The following VWF variants were observed in gnomAD, a reference collection of about 807,000 sequenced individuals.
The protein encoded by VWF is Factor VIII related antigen.
Under a neutral mutation model 308.6 loss-of-function variants are expected in VWF, and 176 were observed. The ratio of observed to expected loss-of-function variants is 0.57; its 90% CI spans 0.50 to 0.65. The LOEUF is 0.65. Ranked by LOEUF, VWF falls within the 30% of genes least tolerant of loss-of-function variation. The probability of loss-of-function intolerance (pLI) is 0.00; values close to 1 mark genes in which losing one functional copy is unlikely to be tolerated. For missense variants in VWF, 3,146 were observed against 3,648.2 expected (o/e 0.86, Z 3.55); for synonymous variants, 1,385 against 1,443.4 (o/e 0.96, Z 0.92).
chr12:5,957,327 A>G (rs1451147073), intron 47 of VWF, among the ~76,000 whole-genome samples: 2 of 151,802 alleles, frequency 1.3e-5, no homozygotes, highest in Non-Finnish European at 1.5e-5. Flanking sequence ...TTAGAGTTTC[A>G]GAAAGACAGT....
In VWF at chr12:6,056,058, G is replaced by A. The variant is rs146560685; in HGVS notation, c.1945+799C>T. ...GAAACAAGTCTTCTCTGCCAAGAAA[G>A]CAGCTTTTTAAAACCCTAGCCAAGT... On this transcript the variant is annotated intron_variant, in intron 15 of 51. Coordinates refer to ENST00000261405, the MANE Select transcript of VWF (RefSeq NM_000552.5). 2.6e-5 allele frequency among the ~76,000 whole-genome samples: 4 copies of A among 151,174 alleles called. No individual in the cohort carries two copies. The East Asian group carries it at 7.8e-4, about 29-fold the overall frequency.
intron 22 of VWF, among the ~76,000 whole-genome samples, chr12:6,027,087 A>C (rs1449907374): frequency 6.6e-6 from 1 of 152,202 alleles, no homozygotes; most frequent in Non-Finnish European, 1.5e-5. Context: ...AGTCACCAGG[A>C]AACATAGAGG....
rs112692054 is a variant in VWF at position 6,034,340 on chromosome 12, C to T, written c.2685+348G>A. Reference sequence around the variant, plus strand: ...CCAACCCACTCCCTAAGCTATGCACCCTGACTGAGGCTGTGTCTACCAGAA... The same window carrying T: ...CCAACCCACTCCCTAAGCTATGCACTCTGACTGAGGCTGTGTCTACCAGAA... On this transcript the variant is annotated intron_variant, in intron 20 of 51. Coordinates refer to ENST00000261405, the MANE Select transcript of VWF (RefSeq NM_000552.5). Among the ~76,000 whole-genome samples the T allele has an allele frequency of 2.9e-3, 444 of 152,278 alleles. 1 individual carries two copies. Among genetic ancestry groups the T allele is most frequent in the African/African-American group, 8.9e-3 (368 of 41,544 alleles).
chr12:6,055,461 ACCCAGTTGTCCCAGC>A (rs1944566154), intron 15 of VWF, among the ~76,000 whole-genome samples: 1 of 152,102 alleles, frequency 6.6e-6, no homozygotes, highest in African/African-American at 2.4e-5. Context: ...AAGGACCCAG[ACCCAGTTGTCCCAGC>A]CCCTAGCCTG....
chr12:6,101,788 T>A lies in VWF; in HGVS notation c.533-6204A>T, dbSNP rs1410441712. Among the ~76,000 whole-genome samples the A allele has an allele frequency of 5.3e-5, 8 of 151,430 alleles. 1 individual carries two copies. In the South Asian group the frequency reaches 1.5e-3, roughly 28 times the overall value. On this transcript the variant is annotated intron_variant, in intron 5 of 51. Coordinates refer to ENST00000261405, the MANE Select transcript of VWF (RefSeq NM_000552.5). ...AGACTCCATCTCAAAAAGAAAAAAA[T>A]AATAATAATAAAAATAAAGTAATCC... is the stretch of plus-strand genomic sequence containing the variant.
chr12:6,043,002 T>G (rs1470389317), intron 18 of VWF, among the ~76,000 whole-genome samples: 1 of 152,038 alleles, frequency 6.6e-6, no homozygotes, highest in East Asian at 1.9e-4. Context: ...TCCCCTGCCC[T>G]CTCCTATTTT....
intron 31 of VWF, among the ~76,000 whole-genome samples, 195 bp from the exon 32 acceptor site, chr12:6,013,840 T>C (rs1944024737): frequency 1.3e-5 from 2 of 152,070 alleles, no homozygotes; most frequent in South Asian, 2.1e-4. Flanking sequence ...TTGTAAGCAA[T>C]AGGGGTACAG....
At chr12:6,012,430 G>A (rs1944007751) in intron 32 of VWF, among the ~76,000 whole-genome samples, 1 of 152,204 alleles carries the variant, frequency 6.6e-6, no homozygotes, top group Non-Finnish European at 1.5e-5. Context: ...CCAGGGATGG[G>A]GAAGGTGGGG....
chr12:5,992,882 T>C (rs1943761612), intron 37 of VWF, among the ~76,000 whole-genome samples: 1 of 152,184 alleles, frequency 6.6e-6, no homozygotes, highest in Non-Finnish European at 1.5e-5. Flanking sequence ...TTCCAGTAAC[T>C]TAGAAACTAA....
At chr12:6,078,345 T>C (rs1440540161) in intron 6 of VWF, among the ~76,000 whole-genome samples, 1 of 152,184 alleles carries the variant, frequency 6.6e-6, no homozygotes, top group Non-Finnish European at 1.5e-5. Flanking sequence ...CCTCTCTTCT[T>C]TGCAATAGGC....
At chr12:5,955,059 G>T (rs1565807771) in intron 47 of VWF, among the ~76,000 whole-genome samples, 1 of 151,902 alleles carries the variant, frequency 6.6e-6, no homozygotes, top group East Asian at 1.9e-4. Flanking sequence ...AGAAACAACA[G>T]AATTAAGAGT....
intron 1 of VWF, among the ~76,000 whole-genome samples, chr12:6,123,585 G>T (rs954794133): frequency 2.0e-5 from 3 of 152,172 alleles, no homozygotes; most frequent in African/African-American, 7.2e-5. Flanking sequence ...AGTAGGAACC[G>T]TCTTACACTT....
At chr12:5,963,586 C>A (rs1943342526) in intron 47 of VWF, among the ~76,000 whole-genome samples, 1 of 152,206 alleles carries the variant, frequency 6.6e-6, no homozygotes, top group South Asian at 2.1e-4. Context: ...TGTGTCTCTG[C>A]TGTTCTCTTG....
chr12:6,040,643 G>T (rs973738225), intron 18 of VWF, among the ~76,000 whole-genome samples: 2 of 152,192 alleles, frequency 1.3e-5, no homozygotes. Context: ...GTGAGGTTCC[G>T]ATACCATGCC....
At chr12:6,073,575 C>T (rs1944804444) in intron 8 of VWF, 44 bp downstream of exon 8, 6 of 1,613,016 alleles carry the variant, frequency 3.7e-6, no homozygotes, top group East Asian at 2.2e-5. Context: ...GCCAAGGGTG[C>T]TGGCAAGGTC....
intron 47 of VWF, among the ~76,000 whole-genome samples, chr12:5,966,209 G>A (rs932937199): frequency 2.6e-5 from 4 of 152,070 alleles, no homozygotes; most frequent in African/African-American, 9.7e-5. Flanking sequence ...GATGCCACAC[G>A]ACTCCAGGCA....
intron 6 of VWF, among the ~76,000 whole-genome samples, chr12:6,079,627 A>T (rs1361672715): frequency 2.0e-5 from 3 of 150,392 alleles, no homozygotes; most frequent in Non-Finnish European, 4.4e-5. Context: ...AAAAAAAAAT[A>T]GGTCCAAAGA....
rs216868 is a variant in VWF, at chr12:5,981,998, G to A, written c.7082-7C>T. ...CACTCCTCCTTCCTGCAGGCTGAGG[G>A]TAGGACAAGGCCACACTGAGCACTG... is the stretch of plus-strand genomic sequence containing the variant. On this transcript the variant is annotated splice_region_variant and splice_polypyrimidine_tract_variant and intron_variant, in intron 41 of 51. Coordinates refer to ENST00000261405, the MANE Select transcript of VWF (RefSeq NM_000552.5). 498,440 of 1,611,896 alleles carry A rather than the reference G, an allele frequency of 0.31. 81,704 individuals are homozygous for A. Among genetic ancestry groups the A allele is most frequent in the East Asian group, 0.57 (25,473 of 44,824 alleles).
chr12:6,097,318 T>C (rs1428990223), intron 5 of VWF, among the ~76,000 whole-genome samples: 3 of 151,984 alleles, frequency 2.0e-5, no homozygotes, highest in African/African-American at 7.3e-5. Context: ...GTGCCTGTAA[T>C]CCCAGTTACT....
Sources: gnomAD v4.1 joint callset for allele counts (sites outside exome capture counted in the v4.1 genomes callset) on GRCh38, gnomAD v4.1.1 for gene constraint, MANE v1.5 for transcripts, NCBI Gene and HGNC (gene_info 2026-07-23, HGNC 2026-07-21) for gene names.